UNC5D: variants seen among roughly 807,000 people sequenced by gnomAD.
UNC5D encodes the protein unc-5 netrin receptor D.
In UNC5D, 39 loss-of-function variants were observed where a neutral mutation model predicts 105.4. That is an observed-to-expected ratio of 0.37 (90% CI 0.29 to 0.48). The LOEUF (loss-of-function observed/expected upper bound fraction) is 0.48, where lower values mean the gene tolerates loss of function less well. Ranked by LOEUF, UNC5D falls within the 20% of genes least tolerant of loss-of-function variation. The pLI, the probability that UNC5D is intolerant of heterozygous loss-of-function variation, is 0.98. For synonymous variants in UNC5D, 452 were observed against 450.4 expected (o/e 1.00, Z -0.04); for missense variants, 991 against 1,202.4 (o/e 0.82, Z 2.60).
rs909970105 is a variant in UNC5D, at chr8:35,458,135, C to T, written c.104-91157C>T. Among the ~76,000 whole-genome samples the T allele has an allele frequency of 1.6e-4, 25 of 152,240 alleles. No homozygotes were observed. In the South Asian group the frequency reaches 1.9e-3, roughly 11 times the overall value. On this transcript the variant is annotated intron_variant, in intron 1 of 16. Coordinates refer to ENST00000404895, the MANE Select transcript of UNC5D (RefSeq NM_080872.4). ...AGTAACATGGTTGCTGAAGAATCCTCGCTCTTTCGGAACAGAATGTTAGAG... is the reference window on the plus strand; with the variant it reads ...AGTAACATGGTTGCTGAAGAATCCTTGCTCTTTCGGAACAGAATGTTAGAG...
intron 1 of UNC5D, among the ~76,000 whole-genome samples, chr8:35,515,447 G>A (rs1262192853): frequency 6.6e-6 from 1 of 152,206 alleles, no homozygotes; most frequent in Non-Finnish European, 1.5e-5. Context: ...CACTTTGGGA[G>A]ACCGAGGTGG....
At chr8:35,601,641 A>G (rs1185277501) in intron 4 of UNC5D, among the ~76,000 whole-genome samples, 3 of 152,102 alleles carry the variant, frequency 2.0e-5, no homozygotes, top group Non-Finnish European at 4.4e-5. Flanking sequence ...ATTTTTGCGC[A>G]TTGATTTTGT....
At chr8:35,605,392 C>A (rs144432936) in intron 4 of UNC5D, among the ~76,000 whole-genome samples, 2 of 152,214 alleles carry the variant, frequency 1.3e-5, no homozygotes, top group African/African-American at 2.4e-5. Flanking sequence ...GCTGCCTGAT[C>A]GTTCCTCTGG....
intron 4 of UNC5D, among the ~76,000 whole-genome samples, chr8:35,631,536 C>A (rs984898410): frequency 6.6e-6 from 1 of 152,118 alleles, no homozygotes; most frequent in African/African-American, 2.4e-5. Flanking sequence ...GGATGTCAAG[C>A]CTTATTTGTC....
intron 4 of UNC5D, among the ~76,000 whole-genome samples, chr8:35,598,132 C>G (rs1819607620): frequency 6.6e-6 from 1 of 152,130 alleles, no homozygotes; most frequent in Non-Finnish European, 1.5e-5. Context: ...AAGGCCTGCT[C>G]TGTACACTCT....
chr8:35,403,988 G>A (rs1438384217), intron 1 of UNC5D, among the ~76,000 whole-genome samples: 1 of 152,178 alleles, frequency 6.6e-6, no homozygotes, highest in Non-Finnish European at 1.5e-5. Flanking sequence ...TGAGATGACA[G>A]TGTGGGTGTT....
chr8:35,725,467 C>T (rs1828808673), intron 9 of UNC5D, among the ~76,000 whole-genome samples: 2 of 152,088 alleles, frequency 1.3e-5, no homozygotes, highest in Non-Finnish European at 1.5e-5. Flanking sequence ...TTCTAAGCTG[C>T]TCCCTATGTA....
At chr8:35,581,283 G>A (rs560287038) in intron 3 of UNC5D, among the ~76,000 whole-genome samples, 4 of 152,028 alleles carry the variant, frequency 2.6e-5, no homozygotes, top group African/African-American at 7.2e-5. Context: ...GGAGTCTTTC[G>A]CTCCAGGGCT....
chr8:35,452,339 A>C (rs577804055), intron 1 of UNC5D, among the ~76,000 whole-genome samples: 3 of 152,116 alleles, frequency 2.0e-5, no homozygotes, highest in Non-Finnish European at 2.9e-5. Context: ...ATCTCAGCTC[A>C]CTGCCATCTC....
At chr8:35,568,006 A>G in intron 2 of UNC5D, 92 bp from the exon 3 acceptor site, 1 of 1,525,830 alleles carries the variant, frequency 6.6e-7, no homozygotes, top group South Asian at 1.3e-5. Context: ...AGGATTGTTT[A>G]ATTAAAAAGA....
chr8:35,582,396 AT>A (rs563356641), intron 3 of UNC5D, among the ~76,000 whole-genome samples: 2 of 152,114 alleles, frequency 1.3e-5, no homozygotes, highest in African/African-American at 4.8e-5. Context: ...AAAAATATAG[AT>A]TTGGCTACCC....
intron 15 of UNC5D, among the ~76,000 whole-genome samples, chr8:35,770,083 A>C (rs1801944926): frequency 6.6e-6 from 1 of 152,208 alleles, no homozygotes. Flanking sequence ...TGCAGGATAC[A>C]TTCTAGACCC....
intron 1 of UNC5D, among the ~76,000 whole-genome samples, chr8:35,260,243 C>A (rs1190618138): frequency 6.6e-6 from 1 of 152,088 alleles, no homozygotes; most frequent in Non-Finnish European, 1.5e-5. Context: ...ATTACCTCAG[C>A]CTTGTACCAC....
intron 1 of UNC5D, among the ~76,000 whole-genome samples, chr8:35,293,139 G>A (rs538518929): frequency 2.0e-5 from 3 of 152,110 alleles, no homozygotes; most frequent in Non-Finnish European, 2.9e-5. Flanking sequence ...AGGCTGAGGC[G>A]GATGAGGAAG....
At chr8:35,335,659 ATTTAC>A (rs1177446429) in intron 1 of UNC5D, among the ~76,000 whole-genome samples, 1 of 151,404 alleles carries the variant, frequency 6.6e-6, no homozygotes, top group African/African-American at 2.4e-5. Context: ...TTAAAGATAT[ATTTAC>A]TTGTAACATG....
At chr8:35,388,972 T>C (rs1331971505) in intron 1 of UNC5D, among the ~76,000 whole-genome samples, 6 of 152,222 alleles carry the variant, frequency 3.9e-5, no homozygotes, top group Non-Finnish European at 5.9e-5. Context: ...TTTTTTTCAA[T>C]GTTCATTGAC....
chr8:35,492,966 T>G (rs950302984), intron 1 of UNC5D, among the ~76,000 whole-genome samples: 1 of 152,130 alleles, frequency 6.6e-6, no homozygotes, highest in Admixed American at 6.6e-5. Flanking sequence ...CTTCTCTGTT[T>G]AATCTTGGTT....
intron 4 of UNC5D, among the ~76,000 whole-genome samples, chr8:35,660,782 G>T (rs1208818861): frequency 6.6e-6 from 1 of 152,120 alleles, no homozygotes; most frequent in Non-Finnish European, 1.5e-5. Context: ...ACCACCTACT[G>T]CCCAATGCCC....
At chr8:35,349,759 C>T (rs1812069546) in intron 1 of UNC5D, among the ~76,000 whole-genome samples, 1 of 151,980 alleles carries the variant, frequency 6.6e-6, no homozygotes, top group Non-Finnish European at 1.5e-5. Flanking sequence ...CTTCAATATG[C>T]TGCAGGATGG....
Sources: gnomAD v4.1 joint callset for allele counts (sites outside exome capture counted in the v4.1 genomes callset) on GRCh38, gnomAD v4.1.1 for gene constraint, MANE v1.5 for transcripts, NCBI Gene and HGNC (gene_info 2026-07-23, HGNC 2026-07-21) for gene names.